CA10: variants seen among roughly 807,000 people sequenced by gnomAD.
CA10 encodes the protein carbonic anhydrase 10 (inactive).
In CA10, 14 loss-of-function variants were observed where a neutral mutation model predicts 44.2. The ratio of observed to expected loss-of-function variants is 0.32; its 90% CI spans 0.21 to 0.50. The LOEUF (loss-of-function observed/expected upper bound fraction) is 0.50, where lower values mean the gene tolerates loss of function less well. Among genes scored for constraint, CA10 ranks in the 20% least tolerant of loss-of-function variants. The probability of loss-of-function intolerance (pLI) is 0.99; values close to 1 mark genes in which losing one functional copy is unlikely to be tolerated. For missense variants in CA10, 350 were observed against 409.7 expected, an observed-to-expected ratio of 0.85 and a Z score of 1.26; for synonymous variants, 159 against 141.6, an observed-to-expected ratio of 1.12 and a Z score of -0.87.
chr17:51,732,616 A>G (rs62061776), intron 4 of CA10, among the ~76,000 whole-genome samples: 3 of 144,620 alleles, frequency 2.1e-5, no homozygotes, highest in South Asian at 2.1e-4. Context: ...TGTTCTCCCC[A>G]CCATACAGGC....
intron 2 of CA10, among the ~76,000 whole-genome samples, chr17:51,990,507 C>T (rs898908649): frequency 2.0e-5 from 3 of 151,862 alleles, no homozygotes; most frequent in Non-Finnish European, 2.9e-5. Flanking sequence ...AGTGAAATGC[C>T]CATAAAGGAA....
At position 51,640,374 on chromosome 17, in the gene CA10, CT is replaced by C. The variant is rs369094352; in HGVS notation, c.635-4366del. On this transcript the variant is annotated intron_variant, in intron 6 of 8. Transcript: ENST00000451037. Reference sequence around the variant, plus strand: ...ATACATGCTGCCTACCATCTCCCCCCTATGTCTCACACCCTAAGACATCAGG... The same window carrying C: ...ATACATGCTGCCTACCATCTCCCCCCATGTCTCACACCCTAAGACATCAGG... Among the ~76,000 whole-genome samples the C allele has an allele frequency of 6.6e-4, 101 of 152,304 alleles. 1 individual carries two copies. The East Asian group carries it at 0.013, about 19-fold the overall frequency.
chr17:51,795,414 T>G (rs1167367392), intron 3 of CA10, among the ~76,000 whole-genome samples: 1 of 151,946 alleles, frequency 6.6e-6, no homozygotes, highest in Non-Finnish European at 1.5e-5. Context: ...TTGGAAGAGC[T>G]TTTTAGCCAG....
At chr17:51,907,531 C>G (rs1981609160) in intron 3 of CA10, among the ~76,000 whole-genome samples, 1 of 151,914 alleles carries the variant, frequency 6.6e-6, no homozygotes, top group South Asian at 2.1e-4. Context: ...TGACCAGATC[C>G]CTCTTCGAGG....
chr17:51,905,407 T>C (rs1292174761), intron 3 of CA10, among the ~76,000 whole-genome samples: 1 of 152,104 alleles, frequency 6.6e-6, no homozygotes, highest in Non-Finnish European at 1.5e-5. Flanking sequence ...TGGGCACACT[T>C]CTTTTCTCCT....
At chr17:51,970,690 G>C (rs958088598) in intron 2 of CA10, among the ~76,000 whole-genome samples, 7 of 152,010 alleles carry the variant, frequency 4.6e-5, no homozygotes, top group African/African-American at 1.7e-4. Context: ...AGTTACTAAA[G>C]CTATTCTTCA....
At chr17:51,784,299 C>G in intron 3 of CA10, among the ~76,000 whole-genome samples, 1 of 152,064 alleles carries the variant, frequency 6.6e-6, no homozygotes, top group Non-Finnish European at 1.5e-5. Flanking sequence ...TGCCCAGAGC[C>G]CAGGAGAACC....
chr17:52,035,563 AAG>A (rs552221700), intron 2 of CA10, among the ~76,000 whole-genome samples: 69 of 152,258 alleles, frequency 4.5e-4, no homozygotes, highest in African/African-American at 1.6e-3. Context: ...AAAAAAACAA[AAG>A]ACTCACTGAG....
At chr17:51,836,979 G>T (rs1908502506) in intron 3 of CA10, among the ~76,000 whole-genome samples, 1 of 152,130 alleles carries the variant, frequency 6.6e-6, no homozygotes, top group African/African-American at 2.4e-5. Flanking sequence ...GGGAAAGGGG[G>T]TGTAAGGCTG....
At chr17:52,061,203 G>T (rs1987375851) in intron 2 of CA10, among the ~76,000 whole-genome samples, 1 of 152,042 alleles carries the variant, frequency 6.6e-6, no homozygotes. Context: ...TATCCAGATG[G>T]GCCAAATGCA....
chr17:51,649,380 G>T, intron 5 of CA10, 126 bp from the exon 6 acceptor site: 2 of 726,778 alleles, frequency 2.8e-6, no homozygotes, highest in Non-Finnish European at 4.8e-6. Context: ...AATGACAGCT[G>T]CAAATTCAGA....
intron 3 of CA10, among the ~76,000 whole-genome samples, chr17:51,857,062 A>C (rs1979080264): frequency 6.6e-6 from 1 of 152,314 alleles, no homozygotes; most frequent in East Asian, 1.9e-4. Context: ...TGAGGAGGAA[A>C]GTGATACCAC....
intron 3 of CA10, among the ~76,000 whole-genome samples, chr17:51,870,462 G>A (rs1598091522): frequency 6.6e-6 from 1 of 152,144 alleles, no homozygotes; most frequent in African/African-American, 2.4e-5. Context: ...GTCCATCAAG[G>A]TGCTATAAAA....
At chr17:52,057,226 A>G (rs1449141703) in intron 2 of CA10, among the ~76,000 whole-genome samples, 1 of 152,078 alleles carries the variant, frequency 6.6e-6, no homozygotes. Flanking sequence ...ATTTTCAATA[A>G]GTTACACTGA....
chr17:51,783,764 A>T (rs1197478129), intron 3 of CA10, among the ~76,000 whole-genome samples: 2 of 152,174 alleles, frequency 1.3e-5, no homozygotes, highest in African/African-American at 4.8e-5. Flanking sequence ...TACAAATGGC[A>T]GAAGAGGGTG....
chr17:52,158,769 AGAG>A (rs1022579396), upstream of CA10: 2 of 151,936 alleles, frequency 1.3e-5, no homozygotes, highest in Admixed American at 6.6e-5. Context: ...CCCAACTCAG[AGAG>A]GAGGAGGACA....
At chr17:52,042,440 G>T (rs1160565019) in intron 2 of CA10, among the ~76,000 whole-genome samples, 4 of 151,630 alleles carry the variant, frequency 2.6e-5, no homozygotes, top group African/African-American at 7.3e-5. Context: ...TAAATTAGGG[G>T]TTTTTTTGTT....
At chr17:51,640,287 C>A (rs763729670) in intron 6 of CA10, among the ~76,000 whole-genome samples, 1 of 152,094 alleles carries the variant, frequency 6.6e-6, no homozygotes, top group African/African-American at 2.4e-5. Context: ...GAGGAAGAGA[C>A]GACATCATTT....
chr17:52,134,013 T>C (rs1989297805), intron 1 of CA10, among the ~76,000 whole-genome samples: 1 of 152,192 alleles, frequency 6.6e-6, no homozygotes, highest in Non-Finnish European at 1.5e-5. Context: ...AGCTAAGCAT[T>C]GCAGCTTTCA....
Sources: gnomAD v4.1 joint callset for allele counts (sites outside exome capture counted in the v4.1 genomes callset) on GRCh38, gnomAD v4.1.1 for gene constraint, MANE v1.5 for transcripts, NCBI Gene and HGNC (gene_info 2026-07-23, HGNC 2026-07-21) for gene names.